The following APOL2 variants were observed in gnomAD, a reference collection of about 807,000 sequenced individuals.
APOL2 encodes apolipoprotein L, 2.
In APOL2, 8 loss-of-function variants were observed where a neutral mutation model predicts 7.1. That is an observed-to-expected ratio of 1.12 (90% CI 0.66 to 2.03). The LOEUF is 2.03. Ranked by LOEUF, APOL2 falls within the 30% of genes most tolerant of loss-of-function variation. The probability of loss-of-function intolerance (pLI) is 0.00; values close to 1 mark genes in which losing one functional copy is unlikely to be tolerated. For synonymous variants in APOL2, 177 were observed against 159.9 expected (o/e 1.11, Z -0.81); for missense variants, 471 against 415.1 (o/e 1.13, Z -1.17).
In APOL2 at chr22:36,228,263, A is replaced by G; in HGVS notation, c.155T>C (p.Leu52Pro). The change falls in exon 5 of 5, where the codon CTC becomes CCC. Residue 52 changes from leucine (L) to proline (P), a missense_variant. Coordinates refer to ENST00000358502, the MANE Select transcript of APOL2 (RefSeq NM_030882.4). ...TGCAAGCTTGTTCAGAGCTTTACGG[A>G]GCTCATCTGCCTCATCCCTGCACAA... ...AELPRDEADE[L>P]RKALNKLASH... 7.4e-6 allele frequency: 12 copies of G among 1,613,770 alleles called. No homozygotes were observed. Among genetic ancestry groups the G allele is most frequent in the Non-Finnish European group, 1.0e-5 (12 of 1,179,844 alleles).
At chr22:36,239,268 G>A (rs1485517304) in intron 1 of APOL2, 173 bp downstream of exon 1, 18 of 1,373,014 alleles carry the variant, frequency 1.3e-5, no homozygotes, top group Non-Finnish European at 1.7e-5. Context: ...GAGGGAGGGA[G>A]CAATCAGACT....
intron 1 of APOL2, among the ~76,000 whole-genome samples, chr22:36,235,748 G>GGT (rs569629256): frequency 9.0e-6 from 1 of 110,700 alleles, no homozygotes; most frequent in Non-Finnish European, 1.8e-5. Flanking sequence ...AGAAAGGGTG[G>GGT]GTGGGTGGGT....
intron 3 of APOL2, among the ~76,000 whole-genome samples, chr22:36,232,927 G>A (rs2146976054): frequency 6.6e-6 from 1 of 152,184 alleles, no homozygotes; most frequent in Admixed American, 6.5e-5. Context: ...ACAGGGTAGG[G>A]AGGAAGTGGG....
rs1161554486 is a variant in APOL2 at position 36,227,278 on chromosome 22, T to C, written c.*126A>G. The C allele has an allele frequency of 1.7e-6, 2 of 1,206,216 alleles. No individual in the cohort carries two copies. Among genetic ancestry groups the C allele is most frequent in the Non-Finnish European group, 2.2e-6 (2 of 902,782 alleles). 74.7% of individuals were successfully genotyped at this position (1,206,216 alleles called of 1,614,324 possible). On this transcript the variant is annotated 3_prime_UTR_variant, in exon 5 of 5. Transcript: ENST00000358502. ...TTGCAGTGAGCCGAGATTGAGCCAC[T>C]GCACTCCATCCTGGGCGATAGAGCG...
chr22:36,236,346 A>C (rs878879951), intron 1 of APOL2, among the ~76,000 whole-genome samples: 1 of 152,252 alleles, frequency 6.6e-6, no homozygotes, highest in Admixed American at 6.5e-5. Flanking sequence ...GAGGGGAGTC[A>C]AGAAATACTA....
Position 36,231,366 on chromosome 22 carries a change from T to A in APOL2, c.111A>T (p.Gly37=), listed in dbSNP as rs2015216067. 3 of 1,613,976 alleles carry A rather than the reference T, an allele frequency of 1.9e-6. No homozygotes were observed. Among genetic ancestry groups the A allele is most frequent in the Non-Finnish European group, 2.5e-6 (3 of 1,179,958 alleles). Residue 37 remains glycine (G), a synonymous_variant, in exon 4 of 5, where the codon GGA becomes GGT. Transcript: ENST00000358502. ...TGGGCAGTTCAGCAGCAGCCACGAA[T>A]CCATTCCAGGCTTCATCATCAGTCA... ...QLLTDDEAWN[G]FVAAAELPRD...
intron 4 of APOL2, among the ~76,000 whole-genome samples, chr22:36,229,873 G>A (rs906608353): frequency 1.3e-5 from 2 of 152,178 alleles, no homozygotes; most frequent in African/African-American, 2.4e-5. Context: ...TGCGGCCACT[G>A]CCCCAGCTGA....
chr22:36,239,690 C>T, upstream of APOL2: 1 of 592,264 alleles, frequency 1.7e-6, no homozygotes, highest in Non-Finnish European at 3.0e-6. Flanking sequence ...CTTAGAGGAG[C>T]AGCCGCAGAC....
Position 36,227,847 on chromosome 22 carries a change from C to G in APOL2, c.571G>C (p.Val191Leu), listed in dbSNP as rs1170324173. ...ACAAACTCCTTCATCACCTTTGCTA[C>G]ATTGGTGCCGCTTTGGTCCAAGTTG... Reference protein sequence around the residue: ...ARNLDQSGTNVAKVMKEFVGG... With the variant: ...ARNLDQSGTNLAKVMKEFVGG... The change falls in exon 5 of 5, where the codon GTA becomes CTA. Residue 191 changes from valine to leucine, a missense_variant. Physicochemically the swap from Val to Leu is conservative, Grantham distance 32. Coordinates refer to ENST00000358502, the MANE Select transcript of APOL2 (RefSeq NM_030882.4). 2 of 1,614,114 alleles carry G rather than the reference C, an allele frequency of 1.2e-6. No homozygotes were observed. The highest frequency in any genetic ancestry group is 8.5e-7 in the Non-Finnish European group (1 of 1,180,064).
rs761293277 is a variant in APOL2 at position 36,235,635 on chromosome 22, A to T, written c.-133-2180T>A. On this transcript the variant is annotated intron_variant, in intron 1 of 4. Coordinates refer to ENST00000358502, the MANE Select transcript of APOL2 (RefSeq NM_030882.4). ...AAATCCTCCAGAAAATAAACCAAAA[A>T]GATGACAGAGGAAAAGGAGCTATAT... 2.0e-5 allele frequency among the ~76,000 whole-genome samples: 3 copies of T among 152,130 alleles called. No homozygotes were observed. In the South Asian group the frequency reaches 6.2e-4, roughly 32 times the overall value.
Position 36,228,118 on chromosome 22 carries a change from A to C in APOL2, c.300T>G (p.Arg100=). 1.2e-6 allele frequency: 2 copies of C among 1,614,234 alleles called. No individual in the cohort carries two copies. The highest frequency in any genetic ancestry group is 4.5e-5 in the East Asian group (2 of 44,884). The change falls in exon 5 of 5, where the codon CGT becomes CGG. Residue 100 remains arginine (R), a synonymous_variant. Transcript: ENST00000358502. ...CCTGCTCAACCTCCTCTGCAAGGGC[A>C]CGGAGCTTCCTTATGTGATCCTCAA... ...RELEDHIRKL[R]ALAEEVEQVH...
At chr22:36,231,528 C>A (rs1166957378) in intron 3 of APOL2, 62 bp from the exon 4 acceptor site, 10 of 1,572,562 alleles carry the variant, frequency 6.4e-6, no homozygotes, top group Non-Finnish European at 7.8e-6. Context: ...ACAGCCATTG[C>A]ACATTAGGTG....
chr22:36,227,549 C>A lies in APOL2; in HGVS notation c.869G>T (p.Ser290Ile), dbSNP rs1426506141. Residue 290 changes from serine (S) to isoleucine (I), a missense_variant, in exon 5 of 5, where the codon AGC (serine) becomes ATC (isoleucine). By Grantham distance (142) the Ser-to-Ile change is moderately radical (BLOSUM62 -2). Transcript: ENST00000358502. Reference protein sequence around the residue: ...GGILLLLDVVSLAYESKHLLE... With the variant: ...GGILLLLDVVILAYESKHLLE... ...CAAGTGCTTTGACTCATATGCAAGG[C>A]TGACCACATCCAGCAGAAGCAAGAT... The A allele has an allele frequency of 6.2e-7, 1 of 1,614,096 alleles. No homozygotes were observed. Among genetic ancestry groups the A allele is most frequent in the Admixed American group, 1.7e-5 (1 of 60,008 alleles).
At chr22:36,229,140 G>C (rs2015129048) in intron 4 of APOL2, among the ~76,000 whole-genome samples, 1 of 152,324 alleles carries the variant, frequency 6.6e-6, no homozygotes, top group Non-Finnish European at 1.5e-5. Context: ...CCCGCTTGCT[G>C]TCTGAGCACC....
rs1423276274 is a variant in APOL2 at position 36,233,429 on chromosome 22, C to T, written c.-107G>A. 2 of 1,551,232 alleles carry T rather than the reference C, an allele frequency of 1.3e-6. No homozygotes were observed. Among genetic ancestry groups the T allele is most frequent in the South Asian group, 1.2e-5 (1 of 84,338 alleles). On this transcript the variant is annotated 5_prime_UTR_variant, in exon 2 of 5. Transcript: ENST00000358502. ...CGTTCCAGCTTCCTCTTCCCTCACT[C>T]TCACACCAAGGCAGGGTCCTCTTGT...
chr22:36,231,441 GT>G lies in APOL2; in HGVS notation c.35del (p.Tyr12SerfsTer9), dbSNP rs1170378978. The G allele has an allele frequency of 6.2e-7, 1 of 1,613,892 alleles. No individual in the cohort carries two copies. The highest frequency in any genetic ancestry group is 8.5e-7 in the Non-Finnish European group (1 of 1,179,896). On this transcript the variant is annotated frameshift_variant, in exon 4 of 5. Coordinates refer to ENST00000358502, the MANE Select transcript of APOL2 (RefSeq NM_030882.4). LOFTEE classifies it high-confidence loss of function. ...TCACTTGGTCCTGGAAATACTTAAG[GT>G]AATCCTCAATAAAGATACTGCTCTC... ...NPESSIFIED[Y>X]LKYFQDQVSR...
chr22:36,228,562 T>C (rs936619106), intron 4 of APOL2, among the ~76,000 whole-genome samples: 1 of 152,204 alleles, frequency 6.6e-6, no homozygotes, highest in African/African-American at 2.4e-5. Flanking sequence ...CAAGGGCAGG[T>C]CAACACCGTG....
At chr22:36,229,790 A>T (rs985766046) in intron 4 of APOL2, among the ~76,000 whole-genome samples, 4 of 152,220 alleles carry the variant, frequency 2.6e-5, no homozygotes, top group Non-Finnish European at 2.9e-5. Flanking sequence ...TCAGAAAGAC[A>T]GGAGATCACT....
chr22:36,228,346 G>A (rs1052072040), intron 4 of APOL2, 66 bp from the exon 5 acceptor site: 16 of 1,536,722 alleles, frequency 1.0e-5, no homozygotes, highest in Non-Finnish European at 1.1e-5. Flanking sequence ...AGCTCCATGC[G>A]ATCTCTATCC....
Sources: gnomAD v4.1 joint callset for allele counts (sites outside exome capture counted in the v4.1 genomes callset) on GRCh38, gnomAD v4.1.1 for gene constraint, MANE v1.5 for transcripts, NCBI Gene and HGNC (gene_info 2026-07-23, HGNC 2026-07-21) for gene names.